Variants in LOC400499 observed in about 807,000 individuals in gnomAD.
the LOC400499 span, chr16:11,401,190 G>A: frequency 2.5e-6 from 1 of 398,772 alleles, no homozygotes; most frequent in Non-Finnish European, 4.4e-6. Flanking sequence ...TACCAGAGGT[G>A]CCCAGCCCCA....
At chr16:11,447,885 G>C in the LOC400499 span, 3 of 1,506,258 alleles carry the variant, frequency 2.0e-6, no homozygotes, top group Admixed American at 2.1e-5. Flanking sequence ...CCGTGCTAGA[G>C]AAGGGGAAAC....
At chr16:11,487,165 C>T in the LOC400499 span, 4 of 397,658 alleles carry the variant, frequency 1.0e-5, no homozygotes, top group Non-Finnish European at 1.8e-5. Flanking sequence ...ACAATGGAGG[C>T]AAGGGATGGA....
the LOC400499 span, among the ~76,000 whole-genome samples, chr16:11,453,131 G>A: frequency 9.2e-5 from 14 of 152,194 alleles, no homozygotes; most frequent in South Asian, 4.1e-4. Flanking sequence ...TCAAGAGGTG[G>A]CCAAGTGTGG....
At chr16:11,374,171 G>A in the LOC400499 span, among the ~76,000 whole-genome samples, 3 of 152,262 alleles carry the variant, frequency 2.0e-5, no homozygotes, top group African/African-American at 7.2e-5. Flanking sequence ...TCTGAGTCCT[G>A]TGGGTCTGTG....
chr16:11,510,288 G>C, the LOC400499 span, among the ~76,000 whole-genome samples: 1 of 151,772 alleles, frequency 6.6e-6, no homozygotes, highest in African/African-American at 2.4e-5. Context: ...TGCCCTCGCA[G>C]TGTGTCTAGC....
the LOC400499 span, among the ~76,000 whole-genome samples, chr16:11,461,724 C>T: frequency 6.6e-6 from 1 of 152,238 alleles, no homozygotes; most frequent in South Asian, 2.1e-4. Flanking sequence ...TCCAAGTACC[C>T]CCAGCCCCAG....
At chr16:11,476,592 C>T in the LOC400499 span, among the ~76,000 whole-genome samples, 1 of 152,168 alleles carries the variant, frequency 6.6e-6, no homozygotes, top group African/African-American at 2.4e-5. Context: ...CATGGGTGCA[C>T]ACACTAACAC....
the LOC400499 span, among the ~76,000 whole-genome samples, chr16:11,467,962 A>G: frequency 6.6e-6 from 1 of 152,170 alleles, no homozygotes; most frequent in Non-Finnish European, 1.5e-5. Context: ...GGACACAGAC[A>G]CCTACAAAGG....
At chr16:11,520,663 T>TC in the LOC400499 span, among the ~76,000 whole-genome samples, 1 of 30,126 alleles carries the variant, frequency 3.3e-5, no homozygotes, top group South Asian at 8.4e-4. Flanking sequence ...TGAGACTCCA[T>TC]CAAAAAAAAA....
chr16:11,474,893 T>C, the LOC400499 span, among the ~76,000 whole-genome samples: 1 of 152,064 alleles, frequency 6.6e-6, no homozygotes, highest in East Asian at 1.9e-4. Context: ...AATATCGGGA[T>C]CCCAATTCGC....
chr16:11,478,508 G>C, the LOC400499 span: 1 of 398,992 alleles, frequency 2.5e-6, no homozygotes, highest in Non-Finnish European at 4.4e-6. Flanking sequence ...AGATGGCATG[G>C]GCAGGGGCAG....
At chr16:11,469,498 T>A in the LOC400499 span, 6 of 398,974 alleles carry the variant, frequency 1.5e-5, no homozygotes, top group South Asian at 2.5e-4. Context: ...GGGAGGGACG[T>A]TGACATTACC....
the LOC400499 span, among the ~76,000 whole-genome samples, chr16:11,409,326 G>C: frequency 6.6e-6 from 1 of 152,066 alleles, no homozygotes; most frequent in Non-Finnish European, 1.5e-5. Flanking sequence ...GTAGGGTGTA[G>C]AAGGAAAATA....
At chr16:11,448,794 G>A in the LOC400499 span, 1 of 595,854 alleles carries the variant, frequency 1.7e-6, no homozygotes, top group Non-Finnish European at 2.6e-6. Flanking sequence ...GGCTCCAGGA[G>A]GCCCAAGGTC....
At chr16:11,507,920 T>C in the LOC400499 span, among the ~76,000 whole-genome samples, 2 of 151,956 alleles carry the variant, frequency 1.3e-5, no homozygotes, top group Non-Finnish European at 2.9e-5. Context: ...GGCAACAGAA[T>C]GAGACCCTGT....
At chr16:11,513,015 G>C in the LOC400499 span, among the ~76,000 whole-genome samples, 2 of 152,222 alleles carry the variant, frequency 1.3e-5, no homozygotes, top group African/African-American at 4.8e-5. Context: ...ACACACGGCA[G>C]GGGTTCAGGT....
At chr16:11,497,026 G>T in the LOC400499 span, among the ~76,000 whole-genome samples, 8 of 152,122 alleles carry the variant, frequency 5.3e-5, no homozygotes, top group Non-Finnish European at 2.9e-5. Flanking sequence ...GCAACAGTGT[G>T]TGTAGGTCTG....
chr16:11,524,669 C>T, the LOC400499 span, among the ~76,000 whole-genome samples: 7 of 152,154 alleles, frequency 4.6e-5, no homozygotes. Flanking sequence ...GGTGGCCCCT[C>T]GGCCCCCAGC....
At chr16:11,413,718 GCAT>G in the LOC400499 span, among the ~76,000 whole-genome samples, 2 of 152,216 alleles carry the variant, frequency 1.3e-5, no homozygotes, top group Admixed American at 6.5e-5. Context: ...CAGACCATCA[GCAT>G]CTTCTTCTTC....
Sources: allele counts gnomAD v4.1 joint callset (sites outside exome capture counted in the v4.1 genomes callset), GRCh38; gene constraint gnomAD v4.1.1; transcripts MANE v1.5.